The following ITGBL1 variants were observed in gnomAD, a reference collection of about 807,000 sequenced individuals.
ITGBL1 encodes the protein integrin subunit beta like 1.
Under a neutral mutation model 68.5 loss-of-function variants are expected in ITGBL1, and 51 were observed. The observed-to-expected ratio is 0.74, with a 90% CI of 0.59 to 0.94. ITGBL1 has a LOEUF of 0.94. Ranked by LOEUF, ITGBL1 falls within the 40% of genes least tolerant of loss-of-function variation. The probability of loss-of-function intolerance (pLI) is 0.00; values close to 1 mark genes in which losing one functional copy is unlikely to be tolerated. For synonymous variants in ITGBL1, 209 were observed against 227.3 expected, an observed-to-expected ratio of 0.92 and a Z score of 0.72; for missense variants, 649 against 647.4, an observed-to-expected ratio of 1.00 and a Z score of -0.03.
At chr13:101,710,425 T>C (rs1454416730) in intron 9 of ITGBL1, among the ~76,000 whole-genome samples, 1 of 152,184 alleles carries the variant, frequency 6.6e-6, no homozygotes, top group Non-Finnish European at 1.5e-5. Flanking sequence ...CCACAGTTAC[T>C]CCTGGTTCCA....
At chr13:101,515,906 T>C (rs2049187594) in intron 2 of ITGBL1, among the ~76,000 whole-genome samples, 1 of 152,182 alleles carries the variant, frequency 6.6e-6, no homozygotes, top group African/African-American at 2.4e-5. Flanking sequence ...ACATTACTTA[T>C]ATTTCTGCAC....
intron 7 of ITGBL1, among the ~76,000 whole-genome samples, chr13:101,604,287 A>G (rs919182940): frequency 6.6e-6 from 1 of 151,920 alleles, no homozygotes; most frequent in Non-Finnish European, 1.5e-5. Flanking sequence ...TTCCTCAAAC[A>G]TGCATGTTTC....
intron 7 of ITGBL1, among the ~76,000 whole-genome samples, chr13:101,610,341 G>T (rs1330113728): frequency 6.6e-6 from 1 of 152,178 alleles, no homozygotes; most frequent in East Asian, 1.9e-4. Flanking sequence ...TTATCCCTTT[G>T]TGTAGCCTGT....
At chr13:101,637,238 C>T (rs2032198999) in intron 7 of ITGBL1, among the ~76,000 whole-genome samples, 1 of 151,922 alleles carries the variant, frequency 6.6e-6, no homozygotes, top group African/African-American at 2.4e-5. Context: ...TTGTTATATA[C>T]CCAAAGAAAT....
downstream of ITGBL1, chr13:101,716,961 A>C (rs2034748197): frequency 6.6e-6 from 1 of 152,098 alleles, no homozygotes; most frequent in Non-Finnish European, 1.5e-5. Flanking sequence ...TTTACAGGTA[A>C]ATCTACTTAT....
chr13:101,681,847 G>A lies in ITGBL1; in HGVS notation c.1016-10738G>A, dbSNP rs2033651619. ...ATGTGTGTATATGTGTGTGTGTGTTGGGAGAGAATAGTCAGAGGGGAAAGG... is the reference window on the plus strand; with the variant it reads ...ATGTGTGTATATGTGTGTGTGTGTTAGGAGAGAATAGTCAGAGGGGAAAGG... On this transcript the variant is annotated intron_variant, in intron 7 of 10. Transcript: ENST00000376180. Among the ~76,000 whole-genome samples the A allele has an allele frequency of 2.0e-5, 3 of 151,902 alleles. No homozygotes were observed. In the South Asian group the frequency reaches 6.2e-4, roughly 31 times the overall value.
intron 8 of ITGBL1, among the ~76,000 whole-genome samples, chr13:101,704,859 T>C (rs1358215270): frequency 1.3e-5 from 2 of 152,242 alleles, no homozygotes; most frequent in African/African-American, 4.8e-5. Flanking sequence ...TTTCTTTGTT[T>C]GTTTTTACTT....
intron 2 of ITGBL1, among the ~76,000 whole-genome samples, chr13:101,509,255 A>G (rs2049076385): frequency 6.6e-6 from 1 of 152,114 alleles, no homozygotes; most frequent in Non-Finnish European, 1.5e-5. Flanking sequence ...CTCATTCACG[A>G]TCATCAGAAT....
chr13:101,632,178 A>G (rs1365971446), intron 7 of ITGBL1, among the ~76,000 whole-genome samples: 2 of 152,070 alleles, frequency 1.3e-5, no homozygotes, highest in African/African-American at 4.8e-5. Context: ...ACAATAAGCT[A>G]TACCTAAAAT....
chr13:101,536,727 G>A (rs1191698164), intron 2 of ITGBL1, among the ~76,000 whole-genome samples: 1 of 151,862 alleles, frequency 6.6e-6, no homozygotes, highest in African/African-American at 2.4e-5. Flanking sequence ...GTAAATTGAT[G>A]CAAGACTTCT....
intron 8 of ITGBL1, among the ~76,000 whole-genome samples, chr13:101,703,840 T>G (rs1444992321): frequency 6.6e-6 from 1 of 152,142 alleles, no homozygotes; most frequent in East Asian, 1.9e-4. Context: ...GATGCAAACC[T>G]TCTTGGAAGG....
intron 7 of ITGBL1, among the ~76,000 whole-genome samples, chr13:101,650,500 A>G (rs9585746): frequency 0.2 from 29,737 of 152,102 alleles, 2,984 homozygotes; most frequent in East Asian, 0.24. Context: ...ACTTTTCTTT[A>G]GCATTTGTCC....
intron 2 of ITGBL1, among the ~76,000 whole-genome samples, chr13:101,561,169 G>C (rs532340768): frequency 6.6e-6 from 1 of 152,134 alleles, no homozygotes; most frequent in Non-Finnish European, 1.5e-5. Flanking sequence ...CCTCGTGAAT[G>C]AGCATGAAGC....
intron 8 of ITGBL1, 129 bp from the exon 9 acceptor site, chr13:101,706,627 C>A: frequency 3.5e-6 from 3 of 851,894 alleles, no homozygotes; most frequent in African/African-American, 1.7e-5. Flanking sequence ...GCCAAATTGA[C>A]TATGCATAAA....
chr13:101,564,204 A>AT (rs2050144819), intron 2 of ITGBL1, among the ~76,000 whole-genome samples: 1 of 152,010 alleles, frequency 6.6e-6, no homozygotes, highest in South Asian at 2.1e-4. Flanking sequence ...TTTAAAAAGA[A>AT]CAAAGTTGGA....
chr13:101,566,314 A>G (rs2050182511), intron 2 of ITGBL1, among the ~76,000 whole-genome samples: 1 of 152,162 alleles, frequency 6.6e-6, no homozygotes, highest in Admixed American at 6.6e-5. Flanking sequence ...GCTTTTATAA[A>G]TAGGCTAGGT....
chr13:101,605,112 A>G (rs1412122261), intron 7 of ITGBL1, among the ~76,000 whole-genome samples: 1 of 146,800 alleles, frequency 6.8e-6, no homozygotes, highest in African/African-American at 2.5e-5. Context: ...ATATATGTAT[A>G]TGTGTAAATA....
At chr13:101,610,506 T>G (rs2031074359) in intron 7 of ITGBL1, among the ~76,000 whole-genome samples, 1 of 152,220 alleles carries the variant, frequency 6.6e-6, no homozygotes, top group Admixed American at 6.5e-5. Flanking sequence ...TAAACGATGT[T>G]GCTTATCATA....
At chr13:101,604,887 T>TATACTCACACACAC in intron 7 of ITGBL1, among the ~76,000 whole-genome samples, 1 of 22,164 alleles carries the variant, frequency 4.5e-5, no homozygotes, top group Non-Finnish European at 8.2e-5. Flanking sequence ...TATATATATA[T>TATACTCACACACAC]ACACACACAC....
Sources: allele counts gnomAD v4.1 joint callset (sites outside exome capture counted in the v4.1 genomes callset), GRCh38; gene constraint gnomAD v4.1.1; transcripts MANE v1.5; gene names NCBI Gene and HGNC (gene_info 2026-07-23, HGNC 2026-07-21).